The following VPS13D variants were observed in gnomAD, a reference collection of about 807,000 sequenced individuals.
VPS13D encodes intermembrane lipid transfer protein VPS13D.
VPS13D carries 187 observed loss-of-function variants against 461.9 expected under a neutral mutation model. The ratio of observed to expected loss-of-function variants is 0.40; its 90% CI spans 0.36 to 0.46. The LOEUF (loss-of-function observed/expected upper bound fraction) is 0.46, where lower values mean the gene tolerates loss of function less well. Among genes scored for constraint, VPS13D ranks in the 20% least tolerant of loss-of-function variants. VPS13D has a pLI of 0.60. For synonymous variants in VPS13D, 1,951 were observed against 1,986.3 expected, an observed-to-expected ratio of 0.98 and a Z score of 0.47; for missense variants, 4,711 against 5,364.9, an observed-to-expected ratio of 0.88 and a Z score of 3.81.
At chr1:12,293,313 TG>T (rs1422434992) in intron 23 of VPS13D, among the ~76,000 whole-genome samples, 1 of 152,238 alleles carries the variant, frequency 6.6e-6, no homozygotes, top group African/African-American at 2.4e-5. Flanking sequence ...GCTGTCCACC[TG>T]TTTATACTCC....
Position 12,279,990 on chromosome 1 carries a change from A to G in VPS13D, c.4602+340A>G, listed in dbSNP as rs900310499. 3.9e-5 allele frequency among the ~76,000 whole-genome samples: 6 copies of G among 152,158 alleles called. No homozygotes were observed. The East Asian group carries it at 1.2e-3, about 29-fold the overall frequency. ...TATCATTCTTGTCACACTTAGACAT[A>G]CTTAACACAGCCAGTGAAACATTGT... On this transcript the variant is annotated intron_variant, in intron 20 of 69. Coordinates refer to ENST00000620676, the MANE Select transcript of VPS13D (RefSeq NM_015378.4). This position sits in a 1 kb window ranked among gnomAD's most constrained non-coding sequence, Gnocchi z 4.3.
intron 58 of VPS13D, 128 bp downstream of exon 58, chr1:12,383,283 A>G: frequency 1.0e-6 from 1 of 993,910 alleles, no homozygotes; most frequent in Non-Finnish European, 1.4e-6. Context: ...TCATCTGTAA[A>G]ATGGGGATAG....
At chr1:12,303,144 T>C (rs1642471904) in intron 25 of VPS13D, among the ~76,000 whole-genome samples, 1 of 152,264 alleles carries the variant, frequency 6.6e-6, no homozygotes, top group Admixed American at 6.5e-5. Flanking sequence ...GAGGTTTGTC[T>C]AATATGCATT....
intron 65 of VPS13D, 25 bp downstream of exon 65, chr1:12,416,852 A>C: frequency 6.3e-6 from 10 of 1,599,054 alleles, no homozygotes; most frequent in Non-Finnish European, 8.5e-6. Context: ...GTGAAATTCC[A>C]TTATAATTAA....
At chr1:12,362,609 C>T in intron 50 of VPS13D, 111 bp from the exon 51 acceptor site, 1 of 1,050,256 alleles carries the variant, frequency 9.5e-7, no homozygotes, top group Non-Finnish European at 1.4e-6. Flanking sequence ...CTGGGTGATA[C>T]AGTTATTTTC....
At chr1:12,389,675 G>A (rs1644397736) in intron 60 of VPS13D, among the ~76,000 whole-genome samples, 2 of 152,202 alleles carry the variant, frequency 1.3e-5, no homozygotes, top group South Asian at 4.1e-4. Context: ...TAGTATTGAT[G>A]ATTACCCTTT....
intron 6 of VPS13D, among the ~76,000 whole-genome samples, chr1:12,252,296 A>G (rs552364253): frequency 2.6e-5 from 4 of 152,156 alleles, no homozygotes; most frequent in South Asian, 2.1e-4. Flanking sequence ...CTCTTAGCTA[A>G]CTCCTCATCC....
At chr1:12,406,831 T>G (rs1404480668) in intron 63 of VPS13D, among the ~76,000 whole-genome samples, 2 of 152,208 alleles carry the variant, frequency 1.3e-5, no homozygotes, top group Admixed American at 1.3e-4. Context: ...TTTCATGAGG[T>G]GGCCTACAGC....
chr1:12,348,738 T>A (rs945501564), intron 44 of VPS13D, 85 bp from the exon 45 acceptor site: 20 of 1,510,684 alleles, frequency 1.3e-5, no homozygotes, highest in Non-Finnish European at 1.7e-5. Context: ...AAGACACTTT[T>A]AAGGTAGACA....
rs143548242 is a variant in VPS13D, at chr1:12,237,974, G to C, written c.97+3611G>C. Among the ~76,000 whole-genome samples, 485 of 152,194 alleles carry C rather than the reference G, an allele frequency of 3.2e-3. 8 individuals carry two copies. Among genetic ancestry groups the C allele is most frequent in the Admixed American group, 0.025 (384 of 15,282 alleles). ...AGTTCGAGACCAGCCTGGGCAACAT[G>C]ATGAAACCCCGTCTGTACTAAAAAT... On this transcript the variant is annotated intron_variant, in intron 2 of 69. Transcript: ENST00000620676.
intron 53 of VPS13D, 99 bp downstream of exon 53, chr1:12,368,690 G>T: frequency 7.3e-7 from 1 of 1,370,630 alleles, no homozygotes. Context: ...TTTCAACTTG[G>T]GTTTAAAGGA....
chr1:12,265,351 G>A (rs909076712), intron 13 of VPS13D, among the ~76,000 whole-genome samples: 1 of 151,970 alleles, frequency 6.6e-6, no homozygotes, highest in Non-Finnish European at 1.5e-5. Context: ...TTTGGCCAGG[G>A]TGGTCTCAAA....
At chr1:12,342,572 G>A (rs1569955410) in intron 41 of VPS13D, among the ~76,000 whole-genome samples, 2 of 151,726 alleles carry the variant, frequency 1.3e-5, no homozygotes, top group African/African-American at 2.4e-5. Flanking sequence ...TGTTTTAACA[G>A]TGTAGGTCTG....
At chr1:12,300,447 A>T (rs1392151976) in intron 25 of VPS13D, among the ~76,000 whole-genome samples, 1 of 152,106 alleles carries the variant, frequency 6.6e-6, no homozygotes, top group African/African-American at 2.4e-5. Context: ...ACCTCAGGTT[A>T]TCCACCCGCC....
At chr1:12,459,603 C>T (rs972146270) in intron 66 of VPS13D, among the ~76,000 whole-genome samples, 7 of 151,702 alleles carry the variant, frequency 4.6e-5, no homozygotes, top group South Asian at 2.1e-4. Flanking sequence ...CTTAGCCTCC[C>T]GAGTAGCTGG....
At position 12,489,888 on chromosome 1, in the gene VPS13D, G is replaced by A. The variant is rs566964117; in HGVS notation, c.12663-7612G>A. Among the ~76,000 whole-genome samples the A allele has an allele frequency of 5.9e-5, 9 of 152,306 alleles. No homozygotes were observed. The South Asian group carries it at 1.4e-3, about 25-fold the overall frequency. On this transcript the variant is annotated intron_variant, in intron 67 of 69. Coordinates refer to ENST00000620676, the MANE Select transcript of VPS13D (RefSeq NM_015378.4). ...GTCACATAATTTGCCTGTGGTTACA[G>A]TTCGTAAGTGGTGGAGCTGGGATTC...
rs911715800 is a variant in VPS13D, at chr1:12,471,518, T to C, written c.12662+11122T>C. 4.6e-5 allele frequency among the ~76,000 whole-genome samples: 7 copies of C among 152,326 alleles called. No homozygotes were observed. The East Asian group carries it at 7.7e-4, about 17-fold the overall frequency. ...TCAGAGGCAATCACTTTCAACACTT[T>C]GGGCTGTTTCTTCAATGTGGAGGTA... On this transcript the variant is annotated intron_variant, in intron 67 of 69. Transcript: ENST00000620676.
At chr1:12,398,723 G>A (rs1389526763) in intron 60 of VPS13D, among the ~76,000 whole-genome samples, 3 of 152,186 alleles carry the variant, frequency 2.0e-5, no homozygotes, top group Non-Finnish European at 2.9e-5. Context: ...CCCTAATGCC[G>A]CTGACTTAAT....
rs1646051489 is a variant in VPS13D, at chr1:12,502,695, C to T, written c.12795-4158C>T. 6.6e-6 allele frequency among the ~76,000 whole-genome samples: 1 copy of T among 150,870 alleles called. No homozygotes were observed. Among genetic ancestry groups the T allele is most frequent in the African/African-American group, 2.4e-5 (1 of 40,990 alleles). On this transcript the variant is annotated intron_variant, in intron 68 of 69. Transcript: ENST00000620676. This position sits in a 1 kb window ranked among gnomAD's most constrained non-coding sequence, Gnocchi z 4.3. ...TTAAGTAGAGTGGCTGAAACAGTTACTTGGCAGATTTCTCCCTGAGAGAAG... is the reference window on the plus strand; with the variant it reads ...TTAAGTAGAGTGGCTGAAACAGTTATTTGGCAGATTTCTCCCTGAGAGAAG...
Sources: allele counts gnomAD v4.1 joint callset (sites outside exome capture counted in the v4.1 genomes callset), GRCh38; gene constraint gnomAD v4.1.1; non-coding constraint Gnocchi (gnomAD v3.1); transcripts MANE v1.5; gene names NCBI Gene and HGNC (gene_info 2026-07-23, HGNC 2026-07-21).